The following ZNF565 variants were observed in gnomAD, a reference collection of about 807,000 sequenced individuals.
The protein encoded by ZNF565 is zinc finger protein 565.
A neutral mutation model predicts 39.4 loss-of-function variants in ZNF565; 27 were observed. The observed-to-expected ratio is 0.69, with a 90% CI of 0.51 to 0.95. The LOEUF (loss-of-function observed/expected upper bound fraction) is 0.95. ZNF565 is among the 40% of genes least tolerant of loss of function. The pLI is 0.00. For missense variants in ZNF565, 524 were observed against 621.1 expected, an observed-to-expected ratio of 0.84 and a Z score of 1.66; for synonymous variants, 185 against 216.6, an observed-to-expected ratio of 0.85 and a Z score of 1.28.
intron 1 of ZNF565, among the ~76,000 whole-genome samples, chr19:36,244,160 G>A (rs906915906): frequency 6.6e-6 from 1 of 152,182 alleles, no homozygotes; most frequent in Non-Finnish European, 1.5e-5. Context: ...GGGGCAGGGG[G>A]TGTCCTCTCT....
chr19:36,182,608 C>T lies in ZNF565; in HGVS notation c.1358G>A (p.Gly453Glu), dbSNP rs1975123771. 6.2e-7 allele frequency: 1 copy of T among 1,614,034 alleles called. No homozygotes were observed. The highest frequency in any genetic ancestry group is 8.5e-7 in the Non-Finnish European group (1 of 1,180,022). The change falls in exon 5 of 5, where the codon GGA (glycine) becomes GAA (glutamate). Residue 453 changes from glycine to glutamate, a missense_variant. Physicochemically the swap from Gly to Glu is moderately conservative, Grantham distance 98 (BLOSUM62 -2). Transcript: ENST00000304116. Reference protein sequence around the residue: ...CEKPYECRECGMAFIRSSQLT... With the variant: ...CEKPYECRECEMAFIRSSQLT... ...TTGTGAACTACGAATAAAGGCCATT[C>T]CACACTCCCTGCATTCATAGGGTTT...
At chr19:36,192,377 C>A (rs1975589721) in intron 4 of ZNF565, among the ~76,000 whole-genome samples, 1 of 152,056 alleles carries the variant, frequency 6.6e-6, no homozygotes, top group Non-Finnish European at 1.5e-5. Context: ...TGCTAAAATG[C>A]AGAATCTCAC....
At chr19:36,215,529 C>A (rs1327817124), upstream of ZNF565, among the ~76,000 whole-genome samples, 1 of 151,960 alleles carries the variant, frequency 6.6e-6, no homozygotes, top group African/African-American at 2.4e-5. Flanking sequence ...TATAACGGTG[C>A]CATCTTCCTG....
At chr19:36,217,053 G>GTCTT (rs1426805801), upstream of ZNF565, among the ~76,000 whole-genome samples, 52 of 71,818 alleles carry the variant, frequency 7.2e-4, no homozygotes, top group East Asian at 0.016. Context: ...GCCAGTCCCT[G>GTCTT]TCTTTTTTTT....
chr19:36,243,611 TG>T (rs1977833952), intron 1 of ZNF565, among the ~76,000 whole-genome samples: 1 of 152,210 alleles, frequency 6.6e-6, no homozygotes, highest in Non-Finnish European at 1.5e-5. Context: ...AGCTGTGTGA[TG>T]GGTTCAGGGA....
intron 1 of ZNF565, among the ~76,000 whole-genome samples, chr19:36,233,468 G>A (rs1977485824): frequency 6.6e-6 from 1 of 152,062 alleles, no homozygotes; most frequent in South Asian, 2.1e-4. Flanking sequence ...ATGGGCCCAG[G>A]GGACCGGCGT....
At chr19:36,228,840 CCA>C (rs1408919790) in intron 1 of ZNF565, 1 of 152,246 alleles carries the variant, frequency 6.6e-6, no homozygotes, top group Non-Finnish European at 1.5e-5. Context: ...GACAGGCAGG[CCA>C]CAGTTTTTCA....
intron 1 of ZNF565, among the ~76,000 whole-genome samples, chr19:36,231,415 G>A (rs894568732): frequency 5.3e-5 from 8 of 152,050 alleles, no homozygotes; most frequent in Non-Finnish European, 1.0e-4. Flanking sequence ...CACCATGTTG[G>A]CCAGGCTGGT....
upstream of ZNF565, chr19:36,218,148 T>G (rs1262981749): frequency 2.7e-5 from 4 of 147,620 alleles, no homozygotes; most frequent in Non-Finnish European, 4.4e-5. Context: ...GAGCCAGACT[T>G]CCTGTGTTAA....
intron 1 of ZNF565, among the ~76,000 whole-genome samples, chr19:36,239,489 A>G (rs1977760492): frequency 6.6e-6 from 1 of 151,518 alleles, no homozygotes; most frequent in Non-Finnish European, 1.5e-5. Flanking sequence ...TGCTGTGCCA[A>G]TTAAAAAAAA....
At position 36,183,231 on chromosome 19, in the gene ZNF565, A is replaced by G. The variant is rs773199833; in HGVS notation, c.735T>C (p.His245=). ...TSELILHQRL[H]TGVKPYECKE... is the part of the protein sequence containing the mutation. Reference sequence around the variant, plus strand: ...TACATTCATAAGGTTTGACACCAGTATGAAGTCTCTGATGTAGAATAAGTT... The same window carrying G: ...TACATTCATAAGGTTTGACACCAGTGTGAAGTCTCTGATGTAGAATAAGTT... The change falls in exon 5 of 5, where the codon CAT becomes CAC. Residue 245 remains histidine, a synonymous_variant. Transcript: ENST00000304116. 1 of 1,614,100 alleles carries G rather than the reference A, an allele frequency of 6.2e-7. No individual in the cohort carries two copies. The highest frequency in any genetic ancestry group is 1.7e-5 in the Admixed American group (1 of 60,004).
upstream of ZNF565, among the ~76,000 whole-genome samples, chr19:36,219,318 C>T (rs964476939): frequency 2.0e-5 from 3 of 152,110 alleles, no homozygotes; most frequent in Non-Finnish European, 2.9e-5. Context: ...TGTGCCACCA[C>T]GACCTGCTAA....
At chr19:36,196,358 G>A (rs1379054543) in intron 2 of ZNF565, among the ~76,000 whole-genome samples, 2 of 152,184 alleles carry the variant, frequency 1.3e-5, no homozygotes, top group African/African-American at 2.4e-5. Flanking sequence ...TTACAGGCCT[G>A]AGCCACTGCA....
At chr19:36,228,037 A>G (rs113982654) in intron 1 of ZNF565, among the ~76,000 whole-genome samples, 39,215 of 151,654 alleles carry the variant, frequency 0.26, 5,463 homozygotes, top group African/African-American at 0.37. Context: ...GTACACACCC[A>G]TAATCCCAGC....
In ZNF565 at chr19:36,236,199, G is replaced by A. The variant is rs537752664; in HGVS notation, c.55+9277C>T. ...AAATTCATGCTGGAGAGAAACTAGT[G>A]AAGGTAGCAATACTTCATTGAATAT... On this transcript the variant is annotated intron_variant, in intron 1 of 4. Coordinates refer to the ZNF565 transcript ENST00000355114. The A allele has an allele frequency of 3.0e-5, 13 of 428,062 alleles. No individual in the cohort carries two copies. In the South Asian group the frequency reaches 5.7e-4, roughly 19 times the overall value. 26.5% of individuals were successfully genotyped at this position (428,062 alleles called of 1,614,324 possible). A position where few individuals can be genotyped will look rare whatever the true frequency, so the allele number is the denominator to read the frequency against.
chr19:36,192,987 T>TTTTG (rs74172794), intron 4 of ZNF565, among the ~76,000 whole-genome samples: 2 of 149,214 alleles, frequency 1.3e-5, no homozygotes, highest in Non-Finnish European at 1.5e-5. Context: ...CAGCTAAGTT[T>TTTTG]TTTGTTTGTT....
intron 1 of ZNF565, among the ~76,000 whole-genome samples, chr19:36,239,815 G>C (rs1028912816): frequency 3.9e-5 from 6 of 152,024 alleles, no homozygotes; most frequent in Admixed American, 1.3e-4. Context: ...TTGTAAACCA[G>C]CCCTTCATGA....
chr19:36,241,514 C>A (rs534362704), intron 1 of ZNF565, among the ~76,000 whole-genome samples: 122 of 148,656 alleles, frequency 8.2e-4, no homozygotes, highest in African/African-American at 3.0e-3. Context: ...GTGTTGGGGC[C>A]GTGCGCAGTG....
intron 1 of ZNF565, among the ~76,000 whole-genome samples, chr19:36,244,167 CTCTT>C (rs1373399360): frequency 6.6e-6 from 1 of 152,112 alleles, no homozygotes; most frequent in Non-Finnish European, 1.5e-5. Flanking sequence ...GGGGTGTCCT[CTCTT>C]TCTCTCTCTC....
Sources: gnomAD v4.1 joint callset for allele counts (sites outside exome capture counted in the v4.1 genomes callset) on GRCh38, gnomAD v4.1.1 for gene constraint, MANE v1.5 for transcripts, NCBI Gene and HGNC (gene_info 2026-07-23, HGNC 2026-07-21) for gene names.